APBB1IP: variants seen among roughly 807,000 people sequenced by gnomAD.
The protein encoded by APBB1IP is amyloid beta precursor protein binding family B member 1 interacting protein.
In APBB1IP, 27 loss-of-function variants were observed where a neutral mutation model predicts 64.9. The observed-to-expected ratio is 0.42, with a 90% CI of 0.31 to 0.57. The LOEUF is 0.57. Among genes scored for constraint, APBB1IP ranks in the 20% least tolerant of loss-of-function variants. APBB1IP has a pLI of 0.20. For missense variants in APBB1IP, 812 were observed against 845.5 expected (o/e 0.96, Z 0.49); for synonymous variants, 392 against 331.0 (o/e 1.18, Z -2.00).
intron 8 of APBB1IP, among the ~76,000 whole-genome samples, chr10:26,530,487 C>G (rs971325651): frequency 6.6e-6 from 1 of 151,870 alleles, no homozygotes; most frequent in Non-Finnish European, 1.5e-5. Flanking sequence ...GTCAGGAGAT[C>G]GAGACCATCC....
chr10:26,545,782 CA>C lies in APBB1IP; in HGVS notation c.1155+4099del, dbSNP rs1292950674. On this transcript the variant is annotated intron_variant, in intron 11 of 14. Transcript: ENST00000376236. ...CTCAAAAAAAAAACAAACAAACAAACAAAAAAAAACCACAAAAATTAGCTGG... is the reference window on the plus strand; with the variant it reads ...CTCAAAAAAAAAACAAACAAACAAACAAAAAAAACCACAAAAATTAGCTGG... Among the ~76,000 whole-genome samples the C allele has an allele frequency of 7.7e-4, 43 of 55,896 alleles. 3 individuals are homozygous for C. Among genetic ancestry groups the C allele is most frequent in the African/African-American group, 1.4e-3 (12 of 8,718 alleles). The allele number at this position is 55,896 out of a possible 152,430, so 36.7% of individuals were successfully genotyped here.
chr10:26,562,451 C>G, intron 14 of APBB1IP, 22 bp downstream of exon 14: 1 of 1,583,532 alleles, frequency 6.3e-7, no homozygotes, highest in South Asian at 1.1e-5. Context: ...AAGCAGCTGA[C>G]CCCTATAAGC....
intron 11 of APBB1IP, among the ~76,000 whole-genome samples, chr10:26,559,457 G>A (rs1358207389): frequency 6.6e-6 from 1 of 151,770 alleles, no homozygotes; most frequent in Non-Finnish European, 1.5e-5. Flanking sequence ...TGCACCTGTA[G>A]TCCTAGCTAC....
At chr10:26,459,075 G>A (rs1175674363) in intron 2 of APBB1IP, among the ~76,000 whole-genome samples, 1 of 143,704 alleles carries the variant, frequency 7.0e-6, no homozygotes, top group Non-Finnish European at 1.5e-5. Context: ...ATCTCCTAAT[G>A]CTATCCCTCC....
intron 11 of APBB1IP, among the ~76,000 whole-genome samples, chr10:26,557,274 G>A (rs543723950): frequency 6.6e-6 from 1 of 152,174 alleles, no homozygotes; most frequent in Non-Finnish European, 1.5e-5. Flanking sequence ...CTGCTGGCTA[G>A]ACTGGAAAAC....
chr10:26,520,009 C>T (rs989771491), intron 8 of APBB1IP, among the ~76,000 whole-genome samples: 1 of 152,174 alleles, frequency 6.6e-6, no homozygotes, highest in African/African-American at 2.4e-5. Context: ...TAAAGCTGGG[C>T]ACAGTGGCTC....
chr10:26,446,400 T>C (rs1260613376), intron 2 of APBB1IP, among the ~76,000 whole-genome samples: 1 of 152,206 alleles, frequency 6.6e-6, no homozygotes, highest in Non-Finnish European at 1.5e-5. Context: ...TCTGTGGCAT[T>C]ATATTTCCCT....
chr10:26,551,757 T>A (rs1440639269), intron 11 of APBB1IP, among the ~76,000 whole-genome samples: 1 of 152,248 alleles, frequency 6.6e-6, no homozygotes, highest in Non-Finnish European at 1.5e-5. Context: ...TTTGTATTTT[T>A]ATTGGCTTTC....
intron 2 of APBB1IP, among the ~76,000 whole-genome samples, chr10:26,475,477 C>CT (rs1835764894): frequency 6.6e-6 from 1 of 152,154 alleles, no homozygotes; most frequent in African/African-American, 2.4e-5. Context: ...CTGTGTGTGT[C>CT]TAAGTGTGTG....
intron 2 of APBB1IP, among the ~76,000 whole-genome samples, chr10:26,459,460 G>A (rs1212422791): frequency 6.6e-6 from 1 of 152,038 alleles, no homozygotes; most frequent in Non-Finnish European, 1.5e-5. Context: ...CCCAGTAATG[G>A]GATGGCTGGG....
At chr10:26,533,345 T>A (rs1836577728) in intron 8 of APBB1IP, 94 bp from the exon 9 acceptor site, 1 of 693,534 alleles carries the variant, frequency 1.4e-6, no homozygotes, top group Admixed American at 3.8e-5. Context: ...TTTCACACAC[T>A]TAACATCTTC....
At chr10:26,466,565 C>G (rs566482345) in intron 2 of APBB1IP, among the ~76,000 whole-genome samples, 2 of 152,294 alleles carry the variant, frequency 1.3e-5, no homozygotes, top group Admixed American at 6.5e-5. Context: ...CTTTGGGTGG[C>G]CGAGGTGGGA....
At chr10:26,498,417 G>A (rs1836055666) in intron 4 of APBB1IP, among the ~76,000 whole-genome samples, 2 of 152,028 alleles carry the variant, frequency 1.3e-5, no homozygotes, top group South Asian at 2.1e-4. Flanking sequence ...GCTGAGGGAC[G>A]AAAATCACTG....
intron 13 of APBB1IP, among the ~76,000 whole-genome samples, chr10:26,561,064 CTTTTTT>C (rs764573338): frequency 1.3e-3 from 92 of 69,206 alleles, no homozygotes; most frequent in Middle Eastern, 0.023. Flanking sequence ...TTCTTTCTTT[CTTTTTT>C]TTTTTTTTTT....
intron 2 of APBB1IP, among the ~76,000 whole-genome samples, chr10:26,439,396 C>CT (rs1049041183): frequency 3.9e-5 from 6 of 152,144 alleles, no homozygotes; most frequent in Non-Finnish European, 8.8e-5. Flanking sequence ...TTAAAAATAA[C>CT]TTTTTCCCCC....
chr10:26,478,743 A>C (rs1835804423), intron 2 of APBB1IP, among the ~76,000 whole-genome samples: 1 of 151,974 alleles, frequency 6.6e-6, no homozygotes, highest in Non-Finnish European at 1.5e-5. Context: ...GGCTGAAGAG[A>C]AATGAGGTCA....
At chr10:26,541,561 A>AT (rs777195948) in intron 10 of APBB1IP, 21 bp from the exon 11 acceptor site, 45 of 1,558,704 alleles carry the variant, frequency 2.9e-5, no homozygotes, top group African/African-American at 1.9e-4. Context: ...TTGAAGTTTT[A>AT]TTTTTTTCCC....
At chr10:26,494,001 T>C (rs1394892786) in intron 3 of APBB1IP, among the ~76,000 whole-genome samples, 2 of 152,008 alleles carry the variant, frequency 1.3e-5, no homozygotes, top group Non-Finnish European at 2.9e-5. Flanking sequence ...CACACCCAGC[T>C]AATTTTTTTT....
At chr10:26,537,169 T>C (rs1445426364) in intron 10 of APBB1IP, among the ~76,000 whole-genome samples, 1 of 151,964 alleles carries the variant, frequency 6.6e-6, no homozygotes, top group African/African-American at 2.4e-5. Context: ...CTTTCCGTCT[T>C]TTGTTCACCA....
Sources: gnomAD v4.1 joint callset for allele counts (sites outside exome capture counted in the v4.1 genomes callset) on GRCh38, gnomAD v4.1.1 for gene constraint, MANE v1.5 for transcripts, NCBI Gene and HGNC (gene_info 2026-07-23, HGNC 2026-07-21) for gene names.